Variants in MYO1G observed in about 807,000 individuals in gnomAD.
The protein encoded by MYO1G is myosin IG, also known as unconventional myosin-Ig.
MYO1G carries 65 observed loss-of-function variants against 115.3 expected under a neutral mutation model. The observed-to-expected ratio is 0.56, with a 90% confidence interval of 0.46 to 0.69. MYO1G has a LOEUF of 0.69. Among genes scored for constraint, MYO1G ranks in the 30% least tolerant of loss-of-function variants. The pLI, the probability that MYO1G is intolerant of heterozygous loss-of-function variation, is 0.00. For missense variants in MYO1G, 1,204 were observed against 1,393.5 expected, an observed-to-expected ratio of 0.86 and a Z score of 2.16; for synonymous variants, 510 against 552.6, an observed-to-expected ratio of 0.92 and a Z score of 1.08.
intron 3 of MYO1G, 44 bp from the exon 4 acceptor site, chr7:44,975,693 T>C: frequency 1.3e-6 from 2 of 1,525,932 alleles, no homozygotes; most frequent in South Asian, 1.3e-5. Context: ...AGACTTCCCA[T>C]CTGGGGAATG....
chr7:44,970,741 G>A lies in MYO1G; in HGVS notation c.1072-4C>T. On this transcript the variant is annotated splice_polypyrimidine_tract_variant and splice_region_variant and intron_variant, in intron 8 of 21. Transcript: ENST00000258787. ...CAAACAGCCGCTGGTACACTGCCTG[G>A]GGGATAGGAACACCCTGCTTCCTGC... 1 of 1,613,934 alleles carries A rather than the reference G, an allele frequency of 6.2e-7. No individual in the cohort carries two copies. Among genetic ancestry groups the A allele is most frequent in the Middle Eastern group, 1.6e-4 (1 of 6,062 alleles).
At position 44,962,662 on chromosome 7, in the gene MYO1G, G is replaced by A. The variant is rs1794766979; in HGVS notation, c.*77C>T. ...GTGAGGCGGGAGCGGCGAGCAGGAG[G>A]GCTGACTCAGAAGGTTTATTTGCAG... is the stretch of plus-strand genomic sequence containing the variant. On this transcript the variant is annotated 3_prime_UTR_variant, in exon 22 of 22. Coordinates refer to ENST00000258787, the MANE Select transcript of MYO1G (RefSeq NM_033054.3). This position sits in a 1 kb window ranked among gnomAD's most constrained non-coding sequence, Gnocchi z 5.3. The A allele has an allele frequency of 7.2e-7, 1 of 1,393,732 alleles. No homozygotes were observed. The highest frequency in any genetic ancestry group is 9.3e-7 in the Non-Finnish European group (1 of 1,078,118). The allele number at this position is 1,393,732 out of a possible 1,614,324, so 86.3% of individuals were successfully genotyped here.
intron 1 of MYO1G, among the ~76,000 whole-genome samples, chr7:44,978,518 T>G (rs2128703451): frequency 6.6e-6 from 1 of 152,328 alleles, no homozygotes; most frequent in East Asian, 1.9e-4. Context: ...GGAAAGATAG[T>G]GCCTGGTATG....
chr7:44,965,444 G>A (rs1440593212), intron 17 of MYO1G, among the ~76,000 whole-genome samples, 193 bp downstream of exon 17: 1 of 152,244 alleles, frequency 6.6e-6, no homozygotes, highest in African/African-American at 2.4e-5. Flanking sequence ...GCCCACCACA[G>A]TACCCAAGAT....
At chr7:44,973,382 G>A (rs1794995088) in intron 5 of MYO1G, 1 of 152,116 alleles carries the variant, frequency 6.6e-6, no homozygotes, top group Admixed American at 6.5e-5. Flanking sequence ...TCAGAGCAGA[G>A]CCCAAAGTTG....
In MYO1G at chr7:44,972,622, AC is replaced by A. The variant is rs571553519; in HGVS notation, c.619-398del. Reference sequence around the variant, plus strand: ...TGAGGAGGTAAGAGTTTGTGGACAAACTGCAGAATCCTAGGGAGCTCCACTT... The same window carrying A: ...TGAGGAGGTAAGAGTTTGTGGACAAATGCAGAATCCTAGGGAGCTCCACTT... On this transcript the variant is annotated intron_variant, in intron 5 of 21. Transcript: ENST00000258787. The A allele has an allele frequency of 2.1e-3, 500 of 235,600 alleles. 3 individuals carry two copies. Among genetic ancestry groups the A allele is most frequent in the African/African-American group, 0.011 (470 of 43,854 alleles). 14.6% of individuals were successfully genotyped at this position (235,600 alleles called of 1,614,324 possible). A position where few individuals can be genotyped will look rare whatever the true frequency, so the allele number is the denominator to read the frequency against.
chr7:44,964,036 C>G lies in MYO1G; in HGVS notation c.2745+13G>C, dbSNP rs577993094. On this transcript the variant is annotated intron_variant, in intron 20 of 21. Coordinates refer to ENST00000258787, the MANE Select transcript of MYO1G (RefSeq NM_033054.3). This position sits in a 1 kb window ranked among gnomAD's most constrained non-coding sequence, Gnocchi z 5.1. The stretch of plus-strand genomic sequence containing the variant: ...ACAGATGCTGCACCCTACTCCCCAC[C>G]CACATTGCTCACCGCCTCAAGGGGC... 2 of 1,565,064 alleles carry G rather than the reference C, an allele frequency of 1.3e-6. No homozygotes were observed. The highest frequency in any genetic ancestry group is 8.7e-7 in the Non-Finnish European group (1 of 1,153,550).
intron 16 of MYO1G, 102 bp from the exon 17 acceptor site, chr7:44,965,962 T>C: frequency 6.5e-7 from 1 of 1,537,664 alleles, no homozygotes; most frequent in Non-Finnish European, 8.9e-7. Context: ...CTCCCTGGCC[T>C]GTCTCCATCA....
At position 44,962,666 on chromosome 7, in the gene MYO1G, G is replaced by T. The variant is rs1794767133; in HGVS notation, c.*73C>A. ...GGCGGGAGCGGCGAGCAGGAGGGCT[G>T]ACTCAGAAGGTTTATTTGCAGCGCT... On this transcript the variant is annotated 3_prime_UTR_variant, in exon 22 of 22. Coordinates refer to ENST00000258787, the MANE Select transcript of MYO1G (RefSeq NM_033054.3). The surrounding 1 kb of genome is among the most constrained non-coding windows in gnomAD (Gnocchi z 5.3). 7.1e-7 allele frequency: 1 copy of T among 1,405,810 alleles called. No homozygotes were observed. Among genetic ancestry groups the T allele is most frequent in the South Asian group, 1.5e-5 (1 of 64,744 alleles). 87.1% of individuals were successfully genotyped at this position (1,405,810 alleles called of 1,614,324 possible). A position where few individuals can be genotyped will look rare whatever the true frequency, so the allele number is the denominator to read the frequency against.
At position 44,969,074 on chromosome 7, in the gene MYO1G, C is replaced by G. The variant is rs897958985; in HGVS notation, c.1574+339G>C. On this transcript the variant is annotated intron_variant, in intron 12 of 21. Transcript: ENST00000258787. The surrounding 1 kb of genome is among the most constrained non-coding windows in gnomAD (Gnocchi z 5.0). Reference sequence around the variant, plus strand: ...GTTAGAAATGCAGAATCTTGGCCCCCCTGCACCTTCCACTCCCTCCCCACC... The same window carrying G: ...GTTAGAAATGCAGAATCTTGGCCCCGCTGCACCTTCCACTCCCTCCCCACC... The G allele has an allele frequency of 1.7e-5, 5 of 297,964 alleles. No homozygotes were observed. Among genetic ancestry groups the G allele is most frequent in the Non-Finnish European group, 2.0e-5 (3 of 151,364 alleles). The allele number at this position is 297,964 out of a possible 1,614,324, so 18.5% of individuals were successfully genotyped here. A position where few individuals can be genotyped will look rare whatever the true frequency, so the allele number is the denominator to read the frequency against.
rs1170764532 is a variant in MYO1G, at chr7:44,969,272, T to G, written c.1574+141A>C. ...TTGTGAATCTGCTGTCCGGCATGTTTCAGTGTCTTAAAGGGGTGGGGGTGG... is the reference window on the plus strand; with the variant it reads ...TTGTGAATCTGCTGTCCGGCATGTTGCAGTGTCTTAAAGGGGTGGGGGTGG... On this transcript the variant is annotated intron_variant, in intron 12 of 21. Coordinates refer to ENST00000258787, the MANE Select transcript of MYO1G (RefSeq NM_033054.3). The surrounding 1 kb of genome is among the most constrained non-coding windows in gnomAD (Gnocchi z 5.0). 2 of 754,782 alleles carry G rather than the reference T, an allele frequency of 2.6e-6. No individual in the cohort carries two copies. The highest frequency in any genetic ancestry group is 3.7e-5 in the Admixed American group (2 of 54,690). 46.8% of individuals were successfully genotyped at this position (754,782 alleles called of 1,614,324 possible). A position where few individuals can be genotyped will look rare whatever the true frequency, so the allele number is the denominator to read the frequency against.
chr7:44,974,836 A>G, intron 5 of MYO1G: 1 of 400,322 alleles, frequency 2.5e-6, no homozygotes, highest in Non-Finnish European at 4.8e-6. Context: ...CTCTGATACC[A>G]CTAGAGACAC....
chr7:44,970,450 G>T, intron 9 of MYO1G, 142 bp downstream of exon 9: 2 of 1,079,070 alleles, frequency 1.9e-6, no homozygotes, highest in Non-Finnish European at 2.7e-6. Context: ...AGGCAGGTTT[G>T]GGAGGCATGA....
Position 44,963,923 on chromosome 7 carries a change from G to C in MYO1G, c.2745+126C>G, listed in dbSNP as rs183918053. On this transcript the variant is annotated intron_variant, in intron 20 of 21. Transcript: ENST00000258787. This position sits in a 1 kb window ranked among gnomAD's most constrained non-coding sequence, Gnocchi z 4.1. ...GATTTTCAGCACGGGTGCCACCATC[G>C]CTGAGTTTTAGGATGGTCTGGGCCA... The C allele has an allele frequency of 5.4e-4, 415 of 766,256 alleles. 1 individual carries two copies. The African/African-American group carries it at 6.4e-3, about 12-fold the overall frequency. The allele number at this position is 766,256 out of a possible 1,614,324, so 47.5% of individuals were successfully genotyped here.
chr7:44,964,364 G>T lies in MYO1G; in HGVS notation c.2631+51C>A. The stretch of plus-strand genomic sequence containing the variant: ...TGCACCAGCTTCTAACCTTGCAGAC[G>T]TGGCTAGAAAAAGAGCACAGCCCTG... On this transcript the variant is annotated intron_variant, in intron 19 of 21. Transcript: ENST00000258787. This position sits in a 1 kb window ranked among gnomAD's most constrained non-coding sequence, Gnocchi z 5.1. 1 of 1,538,436 alleles carries T rather than the reference G, an allele frequency of 6.5e-7. No homozygotes were observed. The highest frequency in any genetic ancestry group is 9.0e-7 in the Non-Finnish European group (1 of 1,111,920).
chr7:44,968,060 C>G, intron 12 of MYO1G, 102 bp from the exon 13 acceptor site: 1 of 934,882 alleles, frequency 1.1e-6, no homozygotes, highest in Non-Finnish European at 1.7e-6. Flanking sequence ...TGCCTCTGTT[C>G]CCATAGGTCA....
In MYO1G at chr7:44,966,619, G is replaced by T; in HGVS notation, c.1949+53C>A. On this transcript the variant is annotated intron_variant, in intron 15 of 21. Transcript: ENST00000258787. The surrounding 1 kb of genome is among the most constrained non-coding windows in gnomAD (Gnocchi z 5.0). Reference sequence around the variant, plus strand: ...GGGGACCCTCTGCTCCTACCCCTTGGACTCCACACAGGGACTATGGCCCAT... The same window carrying T: ...GGGGACCCTCTGCTCCTACCCCTTGTACTCCACACAGGGACTATGGCCCAT... 1.2e-6 allele frequency: 2 copies of T among 1,605,666 alleles called. No individual in the cohort carries two copies. Among genetic ancestry groups the T allele is most frequent in the South Asian group, 1.1e-5 (1 of 90,496 alleles).
At chr7:44,976,025 AT>A (rs1795043891) in intron 3 of MYO1G, among the ~76,000 whole-genome samples, 1 of 152,206 alleles carries the variant, frequency 6.6e-6, no homozygotes, top group African/African-American at 2.4e-5. Context: ...GGTGCTGGCC[AT>A]ATGTGCTCAG....
In MYO1G at chr7:44,964,875, C is replaced by A; in HGVS notation, c.2526+70G>T. Reference sequence around the variant, plus strand: ...GAGGACATCTGAGGGGACCTGGTCACAGCATTAGCCGAGAGCCCTCTTTGG... The same window carrying A: ...GAGGACATCTGAGGGGACCTGGTCAAAGCATTAGCCGAGAGCCCTCTTTGG... On this transcript the variant is annotated intron_variant, in intron 18 of 21. Coordinates refer to ENST00000258787, the MANE Select transcript of MYO1G (RefSeq NM_033054.3). The surrounding 1 kb of genome is among the most constrained non-coding windows in gnomAD (Gnocchi z 5.1). The A allele has an allele frequency of 6.5e-7, 1 of 1,543,190 alleles. No individual in the cohort carries two copies. The highest frequency in any genetic ancestry group is 8.8e-7 in the Non-Finnish European group (1 of 1,140,338).
Sources: gnomAD v4.1 joint callset for allele counts (sites outside exome capture counted in the v4.1 genomes callset) on GRCh38, gnomAD v4.1.1 for gene constraint, Gnocchi (gnomAD v3.1) non-coding constraint, MANE v1.5 for transcripts, NCBI Gene and HGNC (gene_info 2026-07-23, HGNC 2026-07-21) for gene names.